Variants in ERC1 observed in about 807,000 individuals in gnomAD.
ERC1 encodes RAB6 interacting protein 2.
In ERC1, 56 loss-of-function variants were observed where a neutral mutation model predicts 132.0. That is an observed-to-expected ratio of 0.42 (90% CI 0.34 to 0.53). The LOEUF is 0.53. ERC1 is among the 20% of genes least tolerant of loss of function. The pLI is 0.03. For missense variants in ERC1, 1,202 were observed against 1,349.9 expected, an observed-to-expected ratio of 0.89 and a Z score of 1.72; for synonymous variants, 478 against 476.1, an observed-to-expected ratio of 1.00 and a Z score of -0.05.
chr12:1,079,665 C>T (rs1941896911), intron 2 of ERC1, among the ~76,000 whole-genome samples: 2 of 101,636 alleles, frequency 2.0e-5, no homozygotes, highest in Admixed American at 2.0e-4. Context: ...TGACAAAAGT[C>T]GATATACAGA....
At chr12:1,169,002 A>G (rs1362850275) in intron 8 of ERC1, among the ~76,000 whole-genome samples, 1 of 152,170 alleles carries the variant, frequency 6.6e-6, no homozygotes, top group Non-Finnish European at 1.5e-5. Context: ...TCACCATGAC[A>G]TGGTGAAGAA....
intron 12 of ERC1, among the ~76,000 whole-genome samples, chr12:1,195,401 A>G (rs898963445): frequency 1.3e-5 from 2 of 152,168 alleles, no homozygotes; most frequent in African/African-American, 4.8e-5. Flanking sequence ...CACAACCACA[A>G]GTATGTGTAA....
intron 17 of ERC1, among the ~76,000 whole-genome samples, chr12:1,439,571 G>A (rs183648682): frequency 1.2e-3 from 176 of 152,216 alleles, no homozygotes; most frequent in African/African-American, 3.0e-3. Flanking sequence ...CCATAATGAC[G>A]TTTTGGCATC....
At chr12:995,661 C>T (rs11064631) in intron 1 of ERC1, among the ~76,000 whole-genome samples, 18,954 of 152,018 alleles carry the variant, frequency 0.12, 1,842 homozygotes, top group African/African-American at 0.27. Flanking sequence ...GAGAAGAGAT[C>T]CAAACATCTG....
At chr12:1,255,830 G>A (rs575387692) in intron 13 of ERC1, among the ~76,000 whole-genome samples, 3 of 151,008 alleles carry the variant, frequency 2.0e-5, no homozygotes, top group East Asian at 2.0e-4. Flanking sequence ...TAGTAGAGAC[G>A]GGGTTTCACC....
At chr12:1,225,063 A>G (rs2074448733) in intron 12 of ERC1, among the ~76,000 whole-genome samples, 1 of 152,176 alleles carries the variant, frequency 6.6e-6, no homozygotes, top group South Asian at 2.1e-4. Flanking sequence ...CCATCTTAAT[A>G]TTCTTCATTA....
rs536151821 is a variant in ERC1, at chr12:1,073,890, C to T, written c.670-9274C>T. Among the ~76,000 whole-genome samples the T allele has an allele frequency of 2.5e-3, 277 of 112,810 alleles. 1 individual carries two copies. The highest frequency in any genetic ancestry group is 9.8e-3 in the Middle Eastern group (1 of 102). 74.0% of individuals were successfully genotyped at this position (112,810 alleles called of 152,430 possible). A position where few individuals can be genotyped will look rare whatever the true frequency, so the allele number is the denominator to read the frequency against. ...GAATTCCCCACCCTCCCACCCGAGA[C>T]GGAGTCTTGCTGTGTCGCTAGGCTG... On this transcript the variant is annotated intron_variant, in intron 2 of 18. Coordinates refer to ENST00000360905, the MANE Select transcript of ERC1 (RefSeq NM_178040.4).
Position 1,400,908 on chromosome 12 carries a change from A to ATTTTTTTTTTTT in ERC1, c.2926-7236_2926-7235insTTTTTTTTTTTT, listed in dbSNP as rs2090967822. ...CTTCTCATTCAATATTGTTTTGGCT[A>ATTTTTTTTTTTT]TTTTTGTATTTTTTTTTTTTTTTTT... On this transcript the variant is annotated intron_variant, in intron 16 of 18. Transcript: ENST00000360905. Among the ~76,000 whole-genome samples the ATTTTTTTTTTTT allele has an allele frequency of 2.3e-4, 10 of 43,398 alleles. 1 individual carries two copies. Among genetic ancestry groups the ATTTTTTTTTTTT allele is most frequent in the Non-Finnish European group, 2.8e-4 (5 of 17,702 alleles). The allele number at this position is 43,398 out of a possible 152,430, so 28.5% of individuals were successfully genotyped here.
At chr12:992,423 A>T (rs577943737) in intron 1 of ERC1, among the ~76,000 whole-genome samples, 1 of 152,322 alleles carries the variant, frequency 6.6e-6, no homozygotes, top group East Asian at 1.9e-4. Context: ...CTTGCTCAGT[A>T]CACCTTGACT....
chr12:1,290,892 G>A (rs905001612), intron 15 of ERC1, among the ~76,000 whole-genome samples: 8 of 152,042 alleles, frequency 5.3e-5, no homozygotes, highest in African/African-American at 4.8e-5. Context: ...TCAAGTCCCC[G>A]CCTCAGCAGC....
intron 18 of ERC1, among the ~76,000 whole-genome samples, chr12:1,487,774 AG>A (rs1565539170): frequency 1.5e-3 from 57 of 37,440 alleles, no homozygotes; most frequent in African/African-American, 2.7e-3. Context: ...GGAGGGAGGG[AG>A]GGAGGAAGGA....
At chr12:1,121,764 T>C (rs1947225886) in intron 7 of ERC1, among the ~76,000 whole-genome samples, 9 of 3,850 alleles carry the variant, frequency 2.3e-3, no homozygotes, top group African/African-American at 3.7e-3. Flanking sequence ...TCTATCTCTA[T>C]CTATCTCTAT....
intron 15 of ERC1, among the ~76,000 whole-genome samples, chr12:1,301,067 T>G (rs754265665): frequency 1.3e-5 from 2 of 152,162 alleles, no homozygotes; most frequent in Non-Finnish European, 2.9e-5. Context: ...GAGGCCATTA[T>G]TCTAAGTGAA....
intron 1 of ERC1, chr12:991,843 T>G (rs766196704): frequency 6.6e-6 from 1 of 152,196 alleles, no homozygotes; most frequent in Non-Finnish European, 1.5e-5. Context: ...TTCGATGAAA[T>G]GGTGAGATAA....
chr12:1,397,053 C>T (rs568363739), intron 16 of ERC1, among the ~76,000 whole-genome samples: 1 of 152,246 alleles, frequency 6.6e-6, no homozygotes, highest in South Asian at 2.1e-4. Flanking sequence ...GAAGTTCCTA[C>T]CTGAAGATCA....
intron 7 of ERC1, among the ~76,000 whole-genome samples, chr12:1,125,750 G>A (rs1172528989): frequency 6.6e-6 from 1 of 152,208 alleles, no homozygotes; most frequent in African/African-American, 2.4e-5. Context: ...AGGAGGCGGA[G>A]GTTACAGTGA....
At chr12:1,329,159 T>C (rs1470835528) in intron 15 of ERC1, among the ~76,000 whole-genome samples, 1 of 146,022 alleles carries the variant, frequency 6.8e-6, no homozygotes, top group Non-Finnish European at 1.5e-5. Flanking sequence ...CCAGGCGTGG[T>C]GGCACATGCC....
chr12:1,009,061 T>G (rs1964220433), intron 1 of ERC1, among the ~76,000 whole-genome samples: 1 of 152,138 alleles, frequency 6.6e-6, no homozygotes, highest in East Asian at 1.9e-4. Flanking sequence ...AAAAGAAGTT[T>G]GTGACTTTGA....
intron 15 of ERC1, among the ~76,000 whole-genome samples, chr12:1,308,389 A>G (rs2081043338): frequency 6.6e-6 from 1 of 152,188 alleles, no homozygotes; most frequent in Non-Finnish European, 1.5e-5. Context: ...AAACTAAAGC[A>G]GCTTATGTTG....
Sources: allele counts gnomAD v4.1 joint callset (sites outside exome capture counted in the v4.1 genomes callset), GRCh38; gene constraint gnomAD v4.1.1; transcripts MANE v1.5; gene names NCBI Gene and HGNC (gene_info 2026-07-23, HGNC 2026-07-21).